WWP2: variants seen among roughly 807,000 people sequenced by gnomAD.
WWP2 encodes NEDD4-like E3 ubiquitin-protein ligase WWP2.
A neutral mutation model predicts 121.0 loss-of-function variants in WWP2; 57 were observed. The ratio of observed to expected loss-of-function variants is 0.47; its 90% confidence interval spans 0.38 to 0.59. The LOEUF is 0.59. Among genes scored for constraint, WWP2 ranks in the 20% least tolerant of loss-of-function variants. The pLI is 0.00. For missense variants in WWP2, 962 were observed against 1,158.9 expected (o/e 0.83, Z 2.47); for synonymous variants, 449 against 441.3 (o/e 1.02, Z -0.22).
intron 7 of WWP2, among the ~76,000 whole-genome samples, chr16:69,874,410 T>A (rs928472039): frequency 2.0e-5 from 3 of 152,220 alleles, no homozygotes; most frequent in Non-Finnish European, 4.4e-5. Context: ...CTCTGCCTCC[T>A]GGAAGAGTTT....
At chr16:69,789,595 C>T (rs1250607817) in intron 2 of WWP2, among the ~76,000 whole-genome samples, 1 of 152,150 alleles carries the variant, frequency 6.6e-6, no homozygotes, top group African/African-American at 2.4e-5. Context: ...AGTATTGTTT[C>T]TTGTGTGTCT....
At chr16:69,809,003 G>A (rs747467972) in intron 4 of WWP2, among the ~76,000 whole-genome samples, 20 of 152,110 alleles carry the variant, frequency 1.3e-4, no homozygotes, top group Non-Finnish European at 2.6e-4. Context: ...TGCTCTGATC[G>A]TTTGTAATTA....
intron 8 of WWP2, among the ~76,000 whole-genome samples, chr16:69,906,667 T>C (rs2058299149): frequency 6.6e-6 from 1 of 152,152 alleles, no homozygotes; most frequent in African/African-American, 2.4e-5. Flanking sequence ...GGAGGATTAT[T>C]TGAGCCCAAG....
chr16:69,892,814 A>G (rs1266262448), intron 8 of WWP2, among the ~76,000 whole-genome samples: 1 of 152,242 alleles, frequency 6.6e-6, no homozygotes, highest in Non-Finnish European at 1.5e-5. Flanking sequence ...GATTACAGGC[A>G]TGAGCCACTG....
intron 4 of WWP2, among the ~76,000 whole-genome samples, chr16:69,832,872 C>T (rs1046983730): frequency 2.6e-5 from 4 of 151,040 alleles, no homozygotes; most frequent in African/African-American, 9.8e-5. Context: ...TTTTATTTTT[C>T]GAGATGGGAT....
intron 7 of WWP2, among the ~76,000 whole-genome samples, chr16:69,872,975 G>A (rs1724122589): frequency 6.6e-6 from 1 of 152,242 alleles, no homozygotes; most frequent in South Asian, 2.1e-4. Context: ...AGAGACTGCT[G>A]GTCGTTTGGT....
At chr16:69,772,526 C>T (rs2055438887) in intron 1 of WWP2, among the ~76,000 whole-genome samples, 1 of 152,176 alleles carries the variant, frequency 6.6e-6, no homozygotes, top group African/African-American at 2.4e-5. Context: ...TCCGTGACTG[C>T]TCCTGCAGAG....
At chr16:69,906,104 GC>G (rs2058287716) in intron 8 of WWP2, among the ~76,000 whole-genome samples, 1 of 147,138 alleles carries the variant, frequency 6.8e-6, no homozygotes, top group Non-Finnish European at 1.5e-5. Flanking sequence ...ACGGAGTCTT[GC>G]TCTGTCGCCC....
At position 69,799,233 on chromosome 16, in the gene WWP2, A is replaced by G. The variant is rs773005230; in HGVS notation, c.278A>G (p.Asn93Ser). Reference sequence around the variant, plus strand: ...GTCTGGAGCTGCCATACCTTGAGAAATGAACTGCTAGGCACCGCATCTGTC... The same window carrying G: ...GTCTGGAGCTGCCATACCTTGAGAAGTGAACTGCTAGGCACCGCATCTGTC... ...LKVWSCHTLR[N>S]ELLGTASVNL... Residue 93 changes from asparagine (N) to serine (S), a missense_variant, in exon 4 of 24, where the codon AAT becomes AGT. Asn to Ser is a conservative substitution (Grantham distance 46). Transcript: ENST00000359154. The surrounding 1 kb of genome is among the most constrained non-coding windows in gnomAD (Gnocchi z 4.5). The G allele has an allele frequency of 6.2e-7, 1 of 1,614,194 alleles. No homozygotes were observed. The highest frequency in any genetic ancestry group is 1.1e-5 in the South Asian group (1 of 91,086).
At chr16:69,875,982 T>A (rs1003394436) in intron 7 of WWP2, among the ~76,000 whole-genome samples, 6 of 152,220 alleles carry the variant, frequency 3.9e-5, no homozygotes, top group Non-Finnish European at 5.9e-5. Flanking sequence ...GAGATGGAGT[T>A]TTGCTCTTGT....
At chr16:69,834,726 C>A (rs1162813505) in intron 4 of WWP2, among the ~76,000 whole-genome samples, 1 of 151,808 alleles carries the variant, frequency 6.6e-6, no homozygotes, top group Non-Finnish European at 1.5e-5. Context: ...CAGGGTTTCA[C>A]CATGTTGGCC....
chr16:69,782,777 T>C (rs1293794801), intron 1 of WWP2, among the ~76,000 whole-genome samples: 1 of 152,242 alleles, frequency 6.6e-6, no homozygotes, highest in Non-Finnish European at 1.5e-5. Flanking sequence ...TGTTTGACTT[T>C]AGCTATGGAA....
At chr16:69,812,098 C>A (rs981499341) in intron 4 of WWP2, among the ~76,000 whole-genome samples, 18 of 150,954 alleles carry the variant, frequency 1.2e-4, no homozygotes, top group African/African-American at 4.4e-4. Flanking sequence ...GGATCTGCAT[C>A]AGTTCCTTAG....
At chr16:69,792,948 C>T (rs933988678) in intron 2 of WWP2, among the ~76,000 whole-genome samples, 2 of 152,148 alleles carry the variant, frequency 1.3e-5, no homozygotes, top group African/African-American at 4.8e-5. Flanking sequence ...GCCTCGGCCT[C>T]CTAAAGTGTT....
intron 4 of WWP2, among the ~76,000 whole-genome samples, chr16:69,801,560 G>T (rs1182734191): frequency 6.6e-6 from 1 of 151,902 alleles, no homozygotes; most frequent in East Asian, 1.9e-4. Context: ...AGATTGAGAT[G>T]GGATCTCCCT....
At chr16:69,775,523 T>C (rs2055507125) in intron 1 of WWP2, among the ~76,000 whole-genome samples, 1 of 152,250 alleles carries the variant, frequency 6.6e-6, no homozygotes, top group Non-Finnish European at 1.5e-5. Context: ...ATAGTTGCTA[T>C]ATCTCTCCTT....
intron 4 of WWP2, among the ~76,000 whole-genome samples, chr16:69,838,429 G>GAGAC (rs1468382128): frequency 1.4e-5 from 2 of 139,012 alleles, no homozygotes; most frequent in African/African-American, 5.4e-5. Context: ...ATAGAGGAGG[G>GAGAC]AGACCCTCCT....
intron 6 of WWP2, among the ~76,000 whole-genome samples, chr16:69,868,699 A>G (rs2057575781): frequency 6.6e-6 from 1 of 151,846 alleles, no homozygotes; most frequent in Non-Finnish European, 1.5e-5. Flanking sequence ...ACACAGACAT[A>G]CACACACAGA....
At chr16:69,864,238 C>A (rs747569170) in intron 6 of WWP2, among the ~76,000 whole-genome samples, 1 of 151,894 alleles carries the variant, frequency 6.6e-6, no homozygotes, top group Non-Finnish European at 1.5e-5. Flanking sequence ...CATGGTGGTG[C>A]GCACCTGTGA....
Sources: gnomAD v4.1 joint callset for allele counts (sites outside exome capture counted in the v4.1 genomes callset) on GRCh38, gnomAD v4.1.1 for gene constraint, Gnocchi (gnomAD v3.1) non-coding constraint, MANE v1.5 for transcripts, NCBI Gene and HGNC (gene_info 2026-07-23, HGNC 2026-07-21) for gene names.